Variants in AUTS2 observed in about 807,000 individuals in gnomAD.
AUTS2 encodes autism susceptibility gene 2 protein.
In AUTS2, 17 loss-of-function variants were observed where a neutral mutation model predicts 112.4. That is an observed-to-expected ratio of 0.15 (90% CI 0.10 to 0.23). The LOEUF (loss-of-function observed/expected upper bound fraction) is 0.23, where lower values mean the gene tolerates loss of function less well. Among genes scored for constraint, AUTS2 ranks in the 10% least tolerant of loss-of-function variants. The pLI, the probability that AUTS2 is intolerant of heterozygous loss-of-function variation, is 1.00. For synonymous variants in AUTS2, 751 were observed against 702.7 expected (o/e 1.07, Z -1.09); for missense variants, 1,510 against 1,701.6 (o/e 0.89, Z 1.98).
intron 5 of AUTS2, among the ~76,000 whole-genome samples, chr7:70,501,597 TGGTTTTGTC>T (rs1417056120): frequency 1.3e-5 from 2 of 152,308 alleles, no homozygotes; most frequent in African/African-American, 4.8e-5. Context: ...TCTTCTTTCC[TGGTTTTGTC>T]GTTGGGTAGG....
chr7:69,764,959 T>G (rs1346678327), intron 1 of AUTS2, among the ~76,000 whole-genome samples: 2 of 152,196 alleles, frequency 1.3e-5, no homozygotes, highest in African/African-American at 2.4e-5. Context: ...TTTCTCCCTT[T>G]CTTTCCAGGC....
At chr7:70,407,781 G>A (rs1330795783) in intron 4 of AUTS2, among the ~76,000 whole-genome samples, 4 of 152,144 alleles carry the variant, frequency 2.6e-5, no homozygotes, top group South Asian at 2.1e-4. Context: ...TGGGCCGGGC[G>A]TGATGGCTCA....
At chr7:70,313,171 C>T (rs1334206187) in intron 4 of AUTS2, among the ~76,000 whole-genome samples, 7 of 152,156 alleles carry the variant, frequency 4.6e-5, no homozygotes, top group African/African-American at 9.7e-5. Flanking sequence ...AGTTTAAGGA[C>T]GACCCCCAAT....
At chr7:70,291,833 T>A (rs1788720628) in intron 4 of AUTS2, 1 of 152,174 alleles carries the variant, frequency 6.6e-6, no homozygotes, top group African/African-American at 2.4e-5. Context: ...GAGATTATTT[T>A]ATAAATATGA....
intron 1 of AUTS2, among the ~76,000 whole-genome samples, chr7:69,755,590 C>CA (rs1787913881): frequency 6.6e-6 from 1 of 152,108 alleles, no homozygotes; most frequent in African/African-American, 2.4e-5. Flanking sequence ...CTTGAGGTGT[C>CA]ACAAAGAGCA....
At chr7:70,339,671 G>A (rs1473718866) in intron 4 of AUTS2, among the ~76,000 whole-genome samples, 1 of 152,160 alleles carries the variant, frequency 6.6e-6, no homozygotes, top group Non-Finnish European at 1.5e-5. Flanking sequence ...TTCTTCATGG[G>A]TCAGCTAGTA....
At chr7:70,135,217 CA>C (rs1806488862) in intron 4 of AUTS2, among the ~76,000 whole-genome samples, 1 of 152,140 alleles carries the variant, frequency 6.6e-6, no homozygotes, top group Non-Finnish European at 1.5e-5. Flanking sequence ...AATTCATTCT[CA>C]AACAGCAGTT....
rs185704899 is a variant in AUTS2 at position 70,483,574 on chromosome 7, T to C, written c.690+47793T>C. Among the ~76,000 whole-genome samples, 379 of 152,330 alleles carry C rather than the reference T, an allele frequency of 2.5e-3. 7 individuals are homozygous for C. Among genetic ancestry groups the C allele is most frequent in the Admixed American group, 0.019 (298 of 15,306 alleles). Reference sequence around the variant, plus strand: ...AGCCCAGCGGCTCTCTGGTTTGTCATTGTGGTATCCCTCTCTGGACCACAG... The same window carrying C: ...AGCCCAGCGGCTCTCTGGTTTGTCACTGTGGTATCCCTCTCTGGACCACAG... On this transcript the variant is annotated intron_variant, in intron 5 of 18. Transcript: ENST00000342771.
Position 70,399,386 on chromosome 7 carries a change from CT to C in AUTS2, c.661-36357del, listed in dbSNP as rs150509286. 3.6e-3 allele frequency among the ~76,000 whole-genome samples: 548 copies of C among 151,024 alleles called. 3 individuals are homozygous for C. The highest frequency in any genetic ancestry group is 0.013 in the African/African-American group (520 of 41,202). On this transcript the variant is annotated intron_variant, in intron 4 of 18. Transcript: ENST00000342771. ...TACATTGTACATACATTGCTAAGGT[CT>C]TTTTTTTTGCTTATGGGTTTGCTTT...
chr7:70,103,077 G>C (rs1162335724), intron 2 of AUTS2, among the ~76,000 whole-genome samples: 3 of 152,090 alleles, frequency 2.0e-5, no homozygotes, highest in African/African-American at 7.2e-5. Flanking sequence ...ATATCTGTTT[G>C]CTAATTGCTT....
chr7:69,607,046 A>G (rs1792770148), intron 1 of AUTS2, among the ~76,000 whole-genome samples: 1 of 152,202 alleles, frequency 6.6e-6, no homozygotes, highest in Admixed American at 6.5e-5. Flanking sequence ...GTCACAAAGA[A>G]TAGGCCCTTT....
intron 4 of AUTS2, among the ~76,000 whole-genome samples, chr7:70,250,636 C>T (rs1786540847): frequency 6.6e-6 from 1 of 152,172 alleles, no homozygotes; most frequent in Non-Finnish European, 1.5e-5. Flanking sequence ...CAGTGGTAGA[C>T]TGGACAAAGC....
Position 70,118,219 on chromosome 7 carries a change from G to A in AUTS2, c.610G>A (p.Glu204Lys). Reference protein sequence around the residue: ...SKGFHRSSSRERLSDSSAPSS... With the variant: ...SKGFHRSSSRKRLSDSSAPSS... ...GGGCTTCCACCGGAGCAGCTCTCGGGAAAGGCTCAGTGATGTAAGTTTAAG... is the reference window on the plus strand; with the variant it reads ...GGGCTTCCACCGGAGCAGCTCTCGGAAAAGGCTCAGTGATGTAAGTTTAAG... The change falls in exon 3 of 19, where the codon GAA becomes AAA. Residue 204 changes from glutamate (E) to lysine (K), a missense_variant. By Grantham distance (56) the Glu-to-Lys change is moderately conservative. This residue lies in a region of AUTS2 where 535 missense variants were observed against 594.3 expected (regional missense o/e 0.90). Transcript: ENST00000342771. 4 of 1,582,106 alleles carry A rather than the reference G, an allele frequency of 2.5e-6. No individual in the cohort carries two copies. Among genetic ancestry groups the A allele is most frequent in the South Asian group, 1.1e-5 (1 of 87,182 alleles).
chr7:70,157,611 G>T (rs1320637142), intron 4 of AUTS2, among the ~76,000 whole-genome samples: 1 of 152,104 alleles, frequency 6.6e-6, no homozygotes, highest in African/African-American at 2.4e-5. Context: ...CACCACACCT[G>T]GCTCTTTTCT....
At chr7:70,002,354 G>C (rs1452825323) in intron 2 of AUTS2, among the ~76,000 whole-genome samples, 1 of 152,122 alleles carries the variant, frequency 6.6e-6, no homozygotes, top group Non-Finnish European at 1.5e-5. Context: ...ACTTTTTCCA[G>C]TGGTGATTAA....
At chr7:70,587,972 A>T (rs1204632828) in intron 5 of AUTS2, among the ~76,000 whole-genome samples, 1 of 152,188 alleles carries the variant, frequency 6.6e-6, no homozygotes, top group Non-Finnish European at 1.5e-5. Flanking sequence ...CTGCCGCCGC[A>T]CAGTGCTGTC....
intron 1 of AUTS2, among the ~76,000 whole-genome samples, chr7:69,683,224 C>T (rs186124429): frequency 1.2e-4 from 19 of 152,294 alleles, no homozygotes; most frequent in South Asian, 2.1e-4. Flanking sequence ...AATATGCAAA[C>T]GCAGCTACCT....
rs147825950 is a variant in AUTS2 at position 69,773,306 on chromosome 7, G to C, written c.310-125980G>C. ...GGCCAAGGCAGGCAGATCACTCAAG[G>C]CCGTTCATTCAAGACCAGCCTGGCC... On this transcript the variant is annotated intron_variant, in intron 1 of 18. Coordinates refer to ENST00000342771, the MANE Select transcript of AUTS2 (RefSeq NM_015570.4). Among the ~76,000 whole-genome samples the C allele has an allele frequency of 4.3e-4, 66 of 152,086 alleles. No homozygotes were observed. The East Asian group carries it at 0.013, about 29-fold the overall frequency.
intron 3 of AUTS2, among the ~76,000 whole-genome samples, chr7:70,126,838 G>A (rs1303108913): frequency 6.6e-6 from 1 of 152,176 alleles, no homozygotes; most frequent in Non-Finnish European, 1.5e-5. Flanking sequence ...CCAAGATGGA[G>A]TCTTGCTGTG....
Sources: allele counts gnomAD v4.1 joint callset (sites outside exome capture counted in the v4.1 genomes callset), GRCh38; gene constraint gnomAD v4.1.1; regional missense constraint gnomAD v4.1.1; transcripts MANE v1.5; gene names NCBI Gene and HGNC (gene_info 2026-07-23, HGNC 2026-07-21).